C8orf34: variants seen among roughly 807,000 people sequenced by gnomAD.
C8orf34 encodes chromosome 8 open reading frame 34, also known as uncharacterized protein C8orf34.
Under a neutral mutation model 68.3 loss-of-function variants are expected in C8orf34, and 65 were observed. That is an observed-to-expected ratio of 0.95 (90% CI 0.78 to 1.17). C8orf34 has a LOEUF of 1.17. Ranked by LOEUF, C8orf34 falls within the 50% of genes most tolerant of loss-of-function variation. The pLI is 0.00. For missense variants in C8orf34, 664 were observed against 655.4 expected, an observed-to-expected ratio of 1.01 and a Z score of -0.14; for synonymous variants, 244 against 241.2, an observed-to-expected ratio of 1.01 and a Z score of -0.11.
intron 9 of C8orf34, among the ~76,000 whole-genome samples, chr8:68,711,423 A>T (rs191595767): frequency 7.8e-4 from 119 of 152,292 alleles, no homozygotes; most frequent in African/African-American, 2.7e-3. Flanking sequence ...AACATAATTC[A>T]GGATATGGAA....
intron 3 of C8orf34, among the ~76,000 whole-genome samples, chr8:68,458,564 T>C (rs1404823466): frequency 6.6e-6 from 1 of 152,258 alleles, no homozygotes; most frequent in African/African-American, 2.4e-5. Context: ...TGATACAGAT[T>C]GCAGATTAAA....
chr8:68,599,544 T>C (rs1817640258), intron 7 of C8orf34, among the ~76,000 whole-genome samples: 1 of 152,022 alleles, frequency 6.6e-6, no homozygotes, highest in African/African-American at 2.4e-5. Context: ...AAGTGGACCT[T>C]TACATACATA....
In C8orf34 at chr8:68,572,402, T is replaced by C. The variant is rs189695604; in HGVS notation, c.1105+39253T>C. Reference sequence around the variant, plus strand: ...CTACCTATGCATATTACACACTCCATATGACATTCACACTCCATGAATACA... The same window carrying C: ...CTACCTATGCATATTACACACTCCACATGACATTCACACTCCATGAATACA... On this transcript the variant is annotated intron_variant, in intron 7 of 13. Coordinates refer to ENST00000518698, the MANE Select transcript of C8orf34 (RefSeq NM_052958.4). Among the ~76,000 whole-genome samples, 107 of 152,122 alleles carry C rather than the reference T, an allele frequency of 7.0e-4. 2 individuals are homozygous for C. In the East Asian group the frequency reaches 0.018, roughly 25 times the overall value.
intron 1 of C8orf34, among the ~76,000 whole-genome samples, chr8:68,390,481 A>G (rs1808435950): frequency 6.6e-6 from 1 of 152,206 alleles, no homozygotes. Flanking sequence ...AAGTTAGTAC[A>G]TATCAGGACA....
At chr8:68,571,639 C>A (rs1440504230) in intron 7 of C8orf34, among the ~76,000 whole-genome samples, 2 of 152,038 alleles carry the variant, frequency 1.3e-5, no homozygotes, top group African/African-American at 4.8e-5. Flanking sequence ...GGTGTGCAAG[C>A]TTATATATTA....
intron 5 of C8orf34, among the ~76,000 whole-genome samples, chr8:68,516,459 C>T (rs1431300044): frequency 6.6e-6 from 1 of 152,022 alleles, no homozygotes; most frequent in Admixed American, 6.6e-5. Context: ...TGCTGAGAAC[C>T]AGTGGTCATA....
intron 1 of C8orf34, among the ~76,000 whole-genome samples, chr8:68,356,860 G>A (rs1216583093): frequency 6.6e-6 from 1 of 152,034 alleles, no homozygotes; most frequent in Non-Finnish European, 1.5e-5. Flanking sequence ...ATAGCCCAGC[G>A]AATATAGGAG....
At chr8:68,719,414 A>G (rs1165564955) in intron 9 of C8orf34, among the ~76,000 whole-genome samples, 1 of 152,048 alleles carries the variant, frequency 6.6e-6, no homozygotes, top group Admixed American at 6.6e-5. Context: ...TGTAAATCAT[A>G]CAAAGTTACT....
At chr8:68,675,341 C>A (rs1820150527) in intron 8 of C8orf34, among the ~76,000 whole-genome samples, 1 of 151,628 alleles carries the variant, frequency 6.6e-6, no homozygotes, top group Admixed American at 6.6e-5. Context: ...GTGAACTGAT[C>A]AAAAATAATT....
rs570232054 is a variant in C8orf34, at chr8:68,469,483, C to A, written c.736+663C>A. On this transcript the variant is annotated intron_variant, in intron 4 of 13. Coordinates refer to ENST00000518698, the MANE Select transcript of C8orf34 (RefSeq NM_052958.4). The stretch of plus-strand genomic sequence containing the variant: ...TAAAAATGATACATTTCAAGTAAAA[C>A]CTTTTAAATAACTGCTATTGTTGTA... Among the ~76,000 whole-genome samples the A allele has an allele frequency of 7.9e-5, 12 of 152,022 alleles. 1 individual carries two copies. The South Asian group carries it at 2.5e-3, about 32-fold the overall frequency.
At chr8:68,407,119 T>C (rs1809233756) in intron 1 of C8orf34, among the ~76,000 whole-genome samples, 1 of 152,196 alleles carries the variant, frequency 6.6e-6, no homozygotes, top group Admixed American at 6.5e-5. Flanking sequence ...GTATTATCAC[T>C]TGAAGGACTT....
intron 11 of C8orf34, among the ~76,000 whole-genome samples, chr8:68,782,274 T>C (rs953045029): frequency 6.6e-6 from 1 of 152,188 alleles, no homozygotes; most frequent in Non-Finnish European, 1.5e-5. Flanking sequence ...TACATAGTTA[T>C]GGAGTTTTAA....
At chr8:68,505,950 T>TA (rs1326946985) in intron 5 of C8orf34, among the ~76,000 whole-genome samples, 6 of 152,192 alleles carry the variant, frequency 3.9e-5, no homozygotes, top group Non-Finnish European at 8.8e-5. Context: ...AAGAATAATA[T>TA]AATGAACACC....
intron 1 of C8orf34, among the ~76,000 whole-genome samples, chr8:68,401,713 G>A (rs1808964047): frequency 6.6e-6 from 1 of 151,966 alleles, no homozygotes. Context: ...ATTCATGTAT[G>A]TGGAACCATC....
At chr8:68,611,809 C>T (rs1818032132) in intron 7 of C8orf34, among the ~76,000 whole-genome samples, 1 of 152,078 alleles carries the variant, frequency 6.6e-6, no homozygotes, top group African/African-American at 2.4e-5. Flanking sequence ...GTTAAGTCTC[C>T]AGCTTCAATT....
intron 1 of C8orf34, among the ~76,000 whole-genome samples, chr8:68,409,213 G>C (rs184271168): frequency 6.6e-6 from 1 of 152,304 alleles, no homozygotes; most frequent in African/African-American, 2.4e-5. Context: ...ATTTTAGAGT[G>C]TACTTTTACT....
At chr8:68,482,526 C>T (rs554686506) in intron 4 of C8orf34, among the ~76,000 whole-genome samples, 3 of 152,290 alleles carry the variant, frequency 2.0e-5, no homozygotes, top group South Asian at 2.1e-4. Context: ...CCTCCCACCT[C>T]GGCTTCCCAA....
chr8:68,654,107 T>TCAGTACA (rs1343306293), intron 8 of C8orf34, among the ~76,000 whole-genome samples: 1 of 152,194 alleles, frequency 6.6e-6, no homozygotes, highest in East Asian at 1.9e-4. Context: ...CTGCATTCAT[T>TCAGTACA]CAGTACAGAT....
intron 7 of C8orf34, among the ~76,000 whole-genome samples, chr8:68,587,780 T>G (rs1009361486): frequency 2.0e-5 from 3 of 152,072 alleles, no homozygotes; most frequent in Non-Finnish European, 2.9e-5. Context: ...CTGAACAACA[T>G]GGCTACATGG....
Sources: gnomAD v4.1 joint callset for allele counts (sites outside exome capture counted in the v4.1 genomes callset) on GRCh38, gnomAD v4.1.1 for gene constraint, MANE v1.5 for transcripts, NCBI Gene and HGNC (gene_info 2026-07-23, HGNC 2026-07-21) for gene names.